NIBAN1: variants seen among roughly 807,000 people sequenced by gnomAD.
NIBAN1 encodes niban apoptosis regulator 1.
NIBAN1 carries 81 observed loss-of-function variants against 75.1 expected under a neutral mutation model. The ratio of observed to expected loss-of-function variants is 1.08; its 90% confidence interval spans 0.90 to 1.30. The LOEUF is 1.30. Ranked by LOEUF, NIBAN1 falls within the 50% of genes most tolerant of loss-of-function variation. The pLI is 0.00. For synonymous variants in NIBAN1, 436 were observed against 424.8 expected (o/e 1.03, Z -0.32); for missense variants, 1,133 against 1,128.1 (o/e 1.00, Z -0.06).
In NIBAN1 at chr1:184,914,721, C is replaced by CT. The variant is rs35169090; in HGVS notation, c.56-15413dup. ...CAAAATTAATGGTTTAGTTAACTTTCTTTTTTTTTTTTTTTTTGAGACAGA... is the reference window on the plus strand; with the variant it reads ...CAAAATTAATGGTTTAGTTAACTTTCTTTTTTTTTTTTTTTTTTGAGACAGA... On this transcript the variant is annotated intron_variant, in intron 1 of 13. Transcript: ENST00000367511. Among the ~76,000 whole-genome samples the CT allele has an allele frequency of 8.5e-3, 1,072 of 126,372 alleles. 20 individuals carry two copies. Among genetic ancestry groups the CT allele is most frequent in the South Asian group, 0.03 (119 of 3,984 alleles). 82.9% of individuals were successfully genotyped at this position (126,372 alleles called of 152,430 possible).
chr1:184,888,378 C>A (rs1656585301), intron 4 of NIBAN1, among the ~76,000 whole-genome samples: 1 of 152,138 alleles, frequency 6.6e-6, no homozygotes, highest in Non-Finnish European at 1.5e-5. Flanking sequence ...CCAAGAATGT[C>A]ATAATTTTGT....
intron 5 of NIBAN1, among the ~76,000 whole-genome samples, chr1:184,859,281 A>C (rs113445688): frequency 2.8e-4 from 43 of 152,250 alleles, no homozygotes; most frequent in African/African-American, 9.6e-4. Context: ...TGGTCCTTTC[A>C]TTCATTATTT....
intron 1 of NIBAN1, among the ~76,000 whole-genome samples, chr1:184,910,858 C>T (rs1190077573): frequency 6.6e-6 from 1 of 152,142 alleles, no homozygotes; most frequent in Non-Finnish European, 1.5e-5. Flanking sequence ...ACGAAATTTT[C>T]TCCTGCCTGA....
chr1:184,886,666 A>T (rs1297531350), intron 4 of NIBAN1, among the ~76,000 whole-genome samples: 1 of 152,192 alleles, frequency 6.6e-6, no homozygotes, highest in African/African-American at 2.4e-5. Context: ...AGAGTCACAG[A>T]AAATAAGCAG....
chr1:184,844,099 C>T (rs191480305), intron 5 of NIBAN1, among the ~76,000 whole-genome samples: 146 of 152,296 alleles, frequency 9.6e-4, no homozygotes, highest in African/African-American at 3.2e-3. Context: ...TCTGGAAATG[C>T]TGTTGACAAA....
At chr1:184,883,839 A>G (rs1656439938) in intron 5 of NIBAN1, among the ~76,000 whole-genome samples, 1 of 152,216 alleles carries the variant, frequency 6.6e-6, no homozygotes, top group Non-Finnish European at 1.5e-5. Context: ...TCCAGAAACA[A>G]ATACTAGATT....
chr1:184,897,639 G>A (rs1458304469), intron 2 of NIBAN1, among the ~76,000 whole-genome samples: 1 of 152,094 alleles, frequency 6.6e-6, no homozygotes, highest in Non-Finnish European at 1.5e-5. Flanking sequence ...ACATCTAATG[G>A]CCTATTCAAC....
intron 12 of NIBAN1, among the ~76,000 whole-genome samples, chr1:184,803,194 T>C (rs1307643396): frequency 6.6e-6 from 1 of 152,236 alleles, no homozygotes; most frequent in Admixed American, 6.5e-5. Flanking sequence ...GAGGACACGT[T>C]GGACCTATGA....
intron 2 of NIBAN1, among the ~76,000 whole-genome samples, chr1:184,895,639 C>G: frequency 6.6e-6 from 1 of 152,080 alleles, no homozygotes; most frequent in East Asian, 1.9e-4. Context: ...GGGGACTGGG[C>G]TCCTAGTGTA....
intron 1 of NIBAN1, among the ~76,000 whole-genome samples, chr1:184,959,919 C>A (rs925560089): frequency 6.6e-6 from 1 of 152,178 alleles, no homozygotes; most frequent in Non-Finnish European, 1.5e-5. Context: ...TAAGCTTTTA[C>A]TTGTTTAATA....
chr1:184,899,807 CTTTTTTTT>C (rs66802117), intron 1 of NIBAN1, among the ~76,000 whole-genome samples: 1,866 of 100,344 alleles, frequency 0.019, 45 homozygotes, highest in African/African-American at 0.065. Context: ...ACATCACTCT[CTTTTTTTT>C]TTTTTTTTTT....
chr1:184,861,400 C>G (rs1224038753), intron 5 of NIBAN1, among the ~76,000 whole-genome samples: 1 of 152,120 alleles, frequency 6.6e-6, no homozygotes, highest in African/African-American at 2.4e-5. Flanking sequence ...AGGCAGGGAT[C>G]ATGTCTGTTT....
chr1:184,795,089 T>C lies in NIBAN1; in HGVS notation c.2675A>G (p.Gln892Arg), dbSNP rs375900468. ...EIKVARIHEC[Q>R]WVVEDAPNPD... ...GTTTGGAGCATCCTCCACCACCCAC[T>C]GACACTCATGAATACGGGCTACCTT... The change falls in exon 14 of 14, where the codon CAG becomes CGG. Residue 892 changes from glutamine to arginine, a missense_variant. Physicochemically the swap from Gln to Arg is conservative, Grantham distance 43 (BLOSUM62 1). Transcript: ENST00000367511. The C allele has an allele frequency of 6.2e-7, 1 of 1,614,100 alleles. No homozygotes were observed. The highest frequency in any genetic ancestry group is 8.5e-7 in the Non-Finnish European group (1 of 1,180,040).
chr1:184,942,097 T>A (rs1447742811), intron 1 of NIBAN1, among the ~76,000 whole-genome samples: 1 of 152,214 alleles, frequency 6.6e-6, no homozygotes, highest in Non-Finnish European at 1.5e-5. Flanking sequence ...CAATTTAAAG[T>A]TTATTGAAGT....
At chr1:184,838,293 C>T (rs1342721857) in intron 5 of NIBAN1, among the ~76,000 whole-genome samples, 7 of 152,324 alleles carry the variant, frequency 4.6e-5, no homozygotes, top group Admixed American at 3.9e-4. Context: ...CATTTAAAAA[C>T]TGTGATTCTG....
At chr1:184,839,753 G>A (rs1338853009) in intron 5 of NIBAN1, among the ~76,000 whole-genome samples, 1 of 151,938 alleles carries the variant, frequency 6.6e-6, no homozygotes, top group Non-Finnish European at 1.5e-5. Context: ...CCACCACCAC[G>A]CCCAGCTAAT....
intron 5 of NIBAN1, among the ~76,000 whole-genome samples, chr1:184,859,772 T>C (rs1486034320): frequency 6.6e-6 from 1 of 152,126 alleles, no homozygotes; most frequent in East Asian, 1.9e-4. Context: ...ACCAGATTAC[T>C]GTGAGTGACT....
At chr1:184,804,990 G>A (rs896493033) in intron 11 of NIBAN1, among the ~76,000 whole-genome samples, 7 of 152,100 alleles carry the variant, frequency 4.6e-5, no homozygotes, top group Admixed American at 3.9e-4. Flanking sequence ...GGGTTTCACC[G>A]TGTTAGCCAG....
chr1:184,953,248 A>C (rs1658403254), intron 1 of NIBAN1, among the ~76,000 whole-genome samples: 1 of 152,170 alleles, frequency 6.6e-6, no homozygotes, highest in Non-Finnish European at 1.5e-5. Context: ...TAACTTGCAG[A>C]AGGTAGCACA....
Sources: allele counts gnomAD v4.1 joint callset (sites outside exome capture counted in the v4.1 genomes callset), GRCh38; gene constraint gnomAD v4.1.1; transcripts MANE v1.5; gene names NCBI Gene and HGNC (gene_info 2026-07-23, HGNC 2026-07-21).